Variants in ATP13A4 observed in about 807,000 individuals in gnomAD.
The protein encoded by ATP13A4 is ATPase 13A4, also known as probable cation-transporting ATPase 13A4.
ATP13A4 carries 114 observed loss-of-function variants against 142.5 expected under a neutral mutation model. The observed-to-expected ratio is 0.80, with a 90% CI of 0.69 to 0.93. ATP13A4 has a LOEUF of 0.93. ATP13A4 is among the 40% of genes least tolerant of loss of function. ATP13A4 has a pLI of 0.00. For missense variants in ATP13A4, 1,392 were observed against 1,454.0 expected, an observed-to-expected ratio of 0.96 and a Z score of 0.69; for synonymous variants, 488 against 514.8, an observed-to-expected ratio of 0.95 and a Z score of 0.70.
chr3:193,472,791 C>T (rs1252389247), intron 8 of ATP13A4, among the ~76,000 whole-genome samples: 2 of 152,108 alleles, frequency 1.3e-5, no homozygotes, highest in Admixed American at 6.5e-5. Context: ...ATGTACCTCC[C>T]GCAGATAAGA....
chr3:193,438,228 G>C (rs983465368), intron 23 of ATP13A4, among the ~76,000 whole-genome samples: 3 of 152,148 alleles, frequency 2.0e-5, no homozygotes, highest in African/African-American at 7.2e-5. Context: ...GCAATAACAA[G>C]TTCCAGATTC....
Position 193,526,110 on chromosome 3 carries a change from G to A in ATP13A4, c.61-11239C>T, listed in dbSNP as rs190012776. 3.4e-3 allele frequency among the ~76,000 whole-genome samples: 516 copies of A among 152,176 alleles called. 1 individual carries two copies. Among genetic ancestry groups the A allele is most frequent in the African/African-American group, 0.012 (481 of 41,496 alleles). ...GGCCATATCATTTATGAAATGATACGGATATATCTTAGGAATATAATAATC... is the reference window on the plus strand; with the variant it reads ...GGCCATATCATTTATGAAATGATACAGATATATCTTAGGAATATAATAATC... On this transcript the variant is annotated intron_variant, in intron 1 of 29. Coordinates refer to ENST00000342695, the MANE Select transcript of ATP13A4 (RefSeq NM_032279.4).
intron 7 of ATP13A4, among the ~76,000 whole-genome samples, chr3:193,488,005 T>C (rs1407926402): frequency 6.6e-6 from 1 of 152,228 alleles, no homozygotes; most frequent in Non-Finnish European, 1.5e-5. Context: ...GGCTCACGCC[T>C]GTAATCCCAG....
At chr3:193,456,036 G>A (rs1717589439) in intron 16 of ATP13A4, among the ~76,000 whole-genome samples, 1 of 152,166 alleles carries the variant, frequency 6.6e-6, no homozygotes, top group South Asian at 2.1e-4. Flanking sequence ...GAGGGTGGCA[G>A]GAGGGAGAGG....
rs1443507395 is a variant in ATP13A4 at position 193,454,232 on chromosome 3, G to A, written c.1916-20C>T. ...TGGGTACTGTTTAGAAAGAAACACA[G>A]GGTTAGTACGCAGTTATTTGCTTAG... On this transcript the variant is annotated intron_variant, in intron 16 of 29. Coordinates refer to ENST00000342695, the MANE Select transcript of ATP13A4 (RefSeq NM_032279.4). The A allele has an allele frequency of 1.3e-6, 2 of 1,553,238 alleles. No individual in the cohort carries two copies. The highest frequency in any genetic ancestry group is 1.8e-6 in the Non-Finnish European group (2 of 1,125,284).
At chr3:193,405,545 C>T (rs1714452552) in intron 29 of ATP13A4, among the ~76,000 whole-genome samples, 1 of 152,116 alleles carries the variant, frequency 6.6e-6, no homozygotes, top group Admixed American at 6.5e-5. Flanking sequence ...TAAAGTCCGG[C>T]TCTGTGGAAG....
Position 193,573,319 on chromosome 3 carries a change from A to ATT in ATP13A4, n.291+8387_291+8388insAA, listed in dbSNP as rs1560287419. On this transcript the variant is annotated intron_variant and non_coding_transcript_variant, in intron 2 of 3. Transcript: ENST00000489140. ...TATATATATATATACATATATATAT[A>ATT]TATATATAATTTGTATCTACTATGC... is the stretch of plus-strand genomic sequence containing the variant. 2.5e-3 allele frequency among the ~76,000 whole-genome samples: 361 copies of ATT among 141,892 alleles called. 5 individuals are homozygous for ATT. The highest frequency in any genetic ancestry group is 0.014 in the South Asian group (65 of 4,584). The allele number at this position is 141,892 out of a possible 152,430, so 93.1% of individuals were successfully genotyped here. A position where few individuals can be genotyped will look rare whatever the true frequency, so the allele number is the denominator to read the frequency against.
At chr3:193,581,659 A>G (rs1724549015) in intron 2 of ATP13A4, 1 of 151,956 alleles carries the variant, frequency 6.6e-6, no homozygotes, top group Admixed American at 6.6e-5. Context: ...GGCGCCTGAG[A>G]CCTCTCAAGA....
chr3:193,515,263 G>A (rs1721344919), intron 1 of ATP13A4, among the ~76,000 whole-genome samples: 1 of 152,160 alleles, frequency 6.6e-6, no homozygotes, highest in South Asian at 2.1e-4. Flanking sequence ...GGCAGAATGG[G>A]ATGATGTGCC....
At chr3:193,429,890 A>C (rs981294241) in intron 25 of ATP13A4, among the ~76,000 whole-genome samples, 12 of 152,112 alleles carry the variant, frequency 7.9e-5, no homozygotes, top group Admixed American at 7.9e-4. Context: ...GAAATACATC[A>C]AAATGCTTTA....
intron 17 of ATP13A4, among the ~76,000 whole-genome samples, chr3:193,452,462 C>G (rs188202933): frequency 2.6e-5 from 4 of 152,094 alleles, no homozygotes; most frequent in Admixed American, 6.6e-5. Flanking sequence ...ACACAATGAG[C>G]CACTTCCCAC....
intron 2 of ATP13A4, among the ~76,000 whole-genome samples, chr3:193,561,888 C>G (rs1178287451): frequency 6.6e-6 from 1 of 152,188 alleles, no homozygotes; most frequent in Non-Finnish European, 1.5e-5. Context: ...TTACACACCC[C>G]TATGAAACAC....
At chr3:193,515,371 A>G (rs1453960585) in intron 1 of ATP13A4, among the ~76,000 whole-genome samples, 1 of 152,188 alleles carries the variant, frequency 6.6e-6, no homozygotes, top group African/African-American at 2.4e-5. Flanking sequence ...CTTGGCTGGG[A>G]TCAGCAGACA....
chr3:193,558,749 T>C (rs1448399800), upstream of ATP13A4, among the ~76,000 whole-genome samples: 1 of 152,204 alleles, frequency 6.6e-6, no homozygotes, highest in East Asian at 1.9e-4. Context: ...TTCTGGGGGC[T>C]ACAAATTATA....
chr3:193,474,865 A>G (rs1192663041), intron 8 of ATP13A4, among the ~76,000 whole-genome samples: 2 of 152,068 alleles, frequency 1.3e-5, no homozygotes, highest in African/African-American at 2.4e-5. Flanking sequence ...AGTTCTAGAA[A>G]AAAAGTTATT....
intron 2 of ATP13A4, among the ~76,000 whole-genome samples, chr3:193,575,590 A>T (rs530916318): frequency 1.3e-5 from 2 of 152,306 alleles, no homozygotes; most frequent in East Asian, 3.9e-4. Context: ...TTTTAAAAAC[A>T]CGGGCATCTA....
chr3:193,442,714 G>T (rs539005724), intron 18 of ATP13A4, among the ~76,000 whole-genome samples, 158 bp from the exon 19 acceptor site: 1 of 152,306 alleles, frequency 6.6e-6, no homozygotes, highest in Admixed American at 6.5e-5. Flanking sequence ...GTGACTCCAT[G>T]ATCCCTTTTC....
chr3:193,437,140 GT>G lies in ATP13A4; in HGVS notation c.2672+1334del, dbSNP rs555455188. Among the ~76,000 whole-genome samples the G allele has an allele frequency of 2.7e-3, 412 of 150,866 alleles. 4 individuals are homozygous for G. The highest frequency in any genetic ancestry group is 4.9e-3 in the Non-Finnish European group (330 of 67,726). ...AAAAAAAACCTGATCCTCAAACCAG[GT>G]TTTTTTCTGTATCAGAGTTTTGCCG... On this transcript the variant is annotated intron_variant, in intron 23 of 29. Transcript: ENST00000342695.
At chr3:193,407,270 G>T in intron 29 of ATP13A4, 43 bp downstream of exon 29, 1 of 1,535,012 alleles carries the variant, frequency 6.5e-7, no homozygotes, top group African/African-American at 1.4e-5. Flanking sequence ...ACACACATGC[G>T]TGCACACACA....
Sources: allele counts gnomAD v4.1 joint callset (sites outside exome capture counted in the v4.1 genomes callset), GRCh38; gene constraint gnomAD v4.1.1; transcripts MANE v1.5; gene names NCBI Gene and HGNC (gene_info 2026-07-23, HGNC 2026-07-21).